The following PHIP variants were observed in gnomAD, a reference collection of about 807,000 sequenced individuals.
The protein encoded by PHIP is PHIP subunit of CUL4-Ring ligase complex, also known as PH-interacting protein.
A neutral mutation model predicts 236.8 loss-of-function variants in PHIP; 54 were observed. The ratio of observed to expected loss-of-function variants is 0.23; its 90% confidence interval spans 0.18 to 0.29. The LOEUF (loss-of-function observed/expected upper bound fraction) is 0.29. Ranked by LOEUF, PHIP falls within the 10% of genes least tolerant of loss-of-function variation. The pLI, the probability that PHIP is intolerant of heterozygous loss-of-function variation, is 1.00. For missense variants in PHIP, 1,370 were observed against 2,190.8 expected (o/e 0.63, Z 7.48); for synonymous variants, 756 against 718.9 (o/e 1.05, Z -0.83).
At chr6:78,969,696 T>G in intron 27 of PHIP, 139 bp downstream of exon 27, 1 of 485,030 alleles carries the variant, frequency 2.1e-6, no homozygotes, top group East Asian at 3.3e-5. Flanking sequence ...ACATAGTATC[T>G]TACTTTGCTA....
chr6:78,971,766 C>G (rs190292337), intron 24 of PHIP, among the ~76,000 whole-genome samples: 1 of 152,154 alleles, frequency 6.6e-6, no homozygotes, highest in African/African-American at 2.4e-5. Flanking sequence ...AAAGGGGTGA[C>G]GGACGGCACC....
intron 21 of PHIP, among the ~76,000 whole-genome samples, chr6:78,987,890 A>C (rs569576289): frequency 6.6e-6 from 1 of 152,294 alleles, no homozygotes; most frequent in African/African-American, 2.4e-5. Context: ...CTTGGCTTTC[A>C]AGTAAAACAA....
At chr6:79,027,292 G>A (rs930672004) in intron 7 of PHIP, among the ~76,000 whole-genome samples, 1 of 151,992 alleles carries the variant, frequency 6.6e-6, no homozygotes, top group African/African-American at 2.4e-5. Context: ...CCCAATTAAC[G>A]ATAAAACCAG....
intron 39 of PHIP, among the ~76,000 whole-genome samples, chr6:78,942,184 A>G (rs192926282): frequency 2.6e-5 from 4 of 152,344 alleles, no homozygotes; most frequent in Admixed American, 2.6e-4. Flanking sequence ...TACTTTGTAA[A>G]TAAGAAAATC....
At chr6:79,060,335 GA>G (rs1005619532) in intron 6 of PHIP, 142 bp downstream of exon 6, 30 of 544,890 alleles carry the variant, frequency 5.5e-5, no homozygotes, top group African/African-American at 3.8e-4. Context: ...CTACTACTAA[GA>G]AAAAAAATCT....
chr6:79,016,663 T>G lies in PHIP; in HGVS notation c.1137-21A>C, dbSNP rs748580708. The G allele has an allele frequency of 1.2e-5, 18 of 1,475,998 alleles. 1 individual carries two copies. In the South Asian group the frequency reaches 2.2e-4, roughly 18 times the overall value. The allele number at this position is 1,475,998 out of a possible 1,614,324, so 91.4% of individuals were successfully genotyped here. A position where few individuals can be genotyped will look rare whatever the true frequency, so the allele number is the denominator to read the frequency against. On this transcript the variant is annotated intron_variant, in intron 12 of 39. Coordinates refer to ENST00000275034, the MANE Select transcript of PHIP (RefSeq NM_017934.7). ...CAAACCTGTATTAAAAGGAATCCGATCCCCCAAAGAAAAATCATACATGCT... is the reference window on the plus strand; with the variant it reads ...CAAACCTGTATTAAAAGGAATCCGAGCCCCCAAAGAAAAATCATACATGCT...
intron 4 of PHIP, among the ~76,000 whole-genome samples, chr6:79,071,492 T>C (rs1003001743): frequency 2.0e-5 from 3 of 152,208 alleles, no homozygotes; most frequent in Admixed American, 1.3e-4. Flanking sequence ...ATTTAAAATG[T>C]CTTTCTAAAA....
chr6:78,953,923 T>C lies in PHIP; in HGVS notation c.4053+891A>G, dbSNP rs185541851. 6.4e-4 allele frequency among the ~76,000 whole-genome samples: 97 copies of C among 152,252 alleles called. 1 individual carries two copies. The South Asian group carries it at 8.1e-3, about 13-fold the overall frequency. ...AACATTTAATTACTTTTTAAAGGGA[T>C]GAGAAATCACTCTACATTAAATTTA... is the stretch of plus-strand genomic sequence containing the variant. On this transcript the variant is annotated intron_variant, in intron 35 of 39. Coordinates refer to ENST00000275034, the MANE Select transcript of PHIP (RefSeq NM_017934.7).
At chr6:79,010,230 C>T (rs995153298) in intron 15 of PHIP, among the ~76,000 whole-genome samples, 3 of 151,750 alleles carry the variant, frequency 2.0e-5, no homozygotes, top group Non-Finnish European at 4.4e-5. Flanking sequence ...TAGATACATA[C>T]AGCTACAATT....
intron 4 of PHIP, among the ~76,000 whole-genome samples, chr6:79,074,537 A>G (rs536771535): frequency 1.3e-5 from 2 of 152,262 alleles, no homozygotes; most frequent in East Asian, 1.9e-4. Context: ...AATAAATCTC[A>G]TATTTTAAAA....
chr6:79,048,884 C>A (rs1433062946), intron 6 of PHIP, among the ~76,000 whole-genome samples: 1 of 151,980 alleles, frequency 6.6e-6, no homozygotes, highest in Non-Finnish European at 1.5e-5. Flanking sequence ...ACCTGGAGAA[C>A]CAATTTTTAT....
intron 16 of PHIP, among the ~76,000 whole-genome samples, chr6:79,003,314 A>T (rs2127732746): frequency 6.6e-6 from 1 of 152,238 alleles, no homozygotes; most frequent in Middle Eastern, 3.4e-3. Flanking sequence ...ATCAGGTAAT[A>T]TAATACATTT....
chr6:78,978,789 A>T, intron 23 of PHIP, 78 bp from the exon 24 acceptor site: 4 of 1,137,920 alleles, frequency 3.5e-6, no homozygotes, highest in Non-Finnish European at 5.0e-6. Flanking sequence ...TAAAATAACT[A>T]TAAAGATAAT....
intron 38 of PHIP, 37 bp downstream of exon 38, chr6:78,945,964 T>A (rs1582081598): frequency 6.8e-7 from 1 of 1,467,618 alleles, no homozygotes; most frequent in Non-Finnish European, 9.4e-7. Context: ...ATTAAGAAAA[T>A]CATCATATAC....
intron 23 of PHIP, among the ~76,000 whole-genome samples, chr6:78,981,841 G>A (rs559982728): frequency 2.2e-4 from 33 of 152,028 alleles, no homozygotes; most frequent in African/African-American, 7.9e-4. Flanking sequence ...GAAAATGTGT[G>A]GGTAAATGTG....
At chr6:79,054,710 T>C (rs1772984520) in intron 6 of PHIP, among the ~76,000 whole-genome samples, 1 of 150,718 alleles carries the variant, frequency 6.6e-6, no homozygotes, top group Non-Finnish European at 1.5e-5. Context: ...TGAGGAAAAA[T>C]ATAAACCTAA....
In PHIP at chr6:78,964,223, TA is replaced by T. The variant is rs557744299; in HGVS notation, c.3380-972del. On this transcript the variant is annotated intron_variant, in intron 29 of 39. Transcript: ENST00000275034. ...AAACAGCTCTAATTTAGCAGTGAGATAAAAAAAAATATATTATTGGCATTAA... is the reference window on the plus strand; with the variant it reads ...AAACAGCTCTAATTTAGCAGTGAGATAAAAAAAATATATTATTGGCATTAA... 6.2e-3 allele frequency among the ~76,000 whole-genome samples: 943 copies of T among 151,390 alleles called. 7 individuals carry two copies. The highest frequency in any genetic ancestry group is 0.018 in the African/African-American group (762 of 41,346).
At chr6:78,997,635 G>C (rs376462444) in intron 18 of PHIP, 38 bp from the exon 19 acceptor site, 11 of 1,478,332 alleles carry the variant, frequency 7.4e-6, no homozygotes, top group Non-Finnish European at 1.0e-5. Flanking sequence ...TCTACTTAGA[G>C]ATATTTCTCC....
intron 30 of PHIP, 105 bp from the exon 31 acceptor site, chr6:78,961,915 A>T: frequency 1.3e-6 from 1 of 789,794 alleles, no homozygotes; most frequent in Non-Finnish European, 2.0e-6. Flanking sequence ...CTACATAATC[A>T]TTAGTCTGCC....
Sources: gnomAD v4.1 joint callset for allele counts (sites outside exome capture counted in the v4.1 genomes callset) on GRCh38, gnomAD v4.1.1 for gene constraint, MANE v1.5 for transcripts, NCBI Gene and HGNC (gene_info 2026-07-23, HGNC 2026-07-21) for gene names.